Variants in NOS1 observed in about 807,000 individuals in gnomAD.
NOS1 encodes the protein NOS type I.
In NOS1, 51 loss-of-function variants were observed where a neutral mutation model predicts 164.5. The ratio of observed to expected loss-of-function variants is 0.31; its 90% CI spans 0.25 to 0.39. The LOEUF is 0.39. Ranked by LOEUF, NOS1 falls within the 10% of genes least tolerant of loss-of-function variation. The pLI is 1.00. For synonymous variants in NOS1, 719 were observed against 745.8 expected (o/e 0.96, Z 0.59); for missense variants, 1,362 against 1,885.6 (o/e 0.72, Z 5.14).
intron 12 of NOS1, 40 bp downstream of exon 12, chr12:117,265,276 A>G (rs745623886): frequency 6.7e-7 from 1 of 1,487,658 alleles, no homozygotes; most frequent in African/African-American, 1.4e-5. Context: ...CACCAGATAC[A>G]GGACACTTAA....
chr12:117,310,160 G>A (rs1192369337), intron 3 of NOS1, among the ~76,000 whole-genome samples: 3 of 152,052 alleles, frequency 2.0e-5, no homozygotes, highest in African/African-American at 7.2e-5. Context: ...CTCCTGCCTC[G>A]GCCTTCCAAA....
rs1269725088 is a variant in NOS1, at chr12:117,213,621, G to A, written c.*1688C>T. 1.0e-6 allele frequency: 1 copy of A among 985,470 alleles called. No homozygotes were observed. The highest frequency in any genetic ancestry group is 1.2e-6 in the Non-Finnish European group (1 of 829,962). The allele number at this position is 985,470 out of a possible 1,614,324, so 61.0% of individuals were successfully genotyped here. A position where few individuals can be genotyped will look rare whatever the true frequency, so the allele number is the denominator to read the frequency against. On this transcript the variant is annotated 3_prime_UTR_variant, in exon 29 of 29. Coordinates refer to ENST00000317775, the MANE Select transcript of NOS1 (RefSeq NM_000620.5). ...TGTAAAGCCCTTTCAAAGAGGGCCAGTGCACTTCCTCTTTAGCAGACACCC... is the reference window on the plus strand; with the variant it reads ...TGTAAAGCCCTTTCAAAGAGGGCCAATGCACTTCCTCTTTAGCAGACACCC...
At chr12:117,349,698 C>A (rs1876528946) in intron 1 of NOS1, among the ~76,000 whole-genome samples, 1 of 152,148 alleles carries the variant, frequency 6.6e-6, no homozygotes, top group South Asian at 2.1e-4. Flanking sequence ...TAGTCTGTAG[C>A]AAGTACATGA....
At chr12:117,226,808 C>T (rs1241679424) in intron 23 of NOS1, 38 bp from the exon 24 acceptor site, 1 of 1,540,152 alleles carries the variant, frequency 6.5e-7, no homozygotes, top group Admixed American at 1.7e-5. Context: ...CCACCCACTG[C>T]TCCCGAGCAC....
At chr12:117,226,183 C>T (rs1221932039) in intron 24 of NOS1, among the ~76,000 whole-genome samples, 2 of 152,200 alleles carry the variant, frequency 1.3e-5, no homozygotes, top group African/African-American at 4.8e-5. Flanking sequence ...GCCAAAGTCA[C>T]TGTTCAGGTA....
Position 117,211,354 on chromosome 12 carries a change from T to A in NOS1, c.*3955A>T, listed in dbSNP as rs1274790935. 2 of 985,288 alleles carry A rather than the reference T, an allele frequency of 2.0e-6. No homozygotes were observed. Among genetic ancestry groups the A allele is most frequent in the African/African-American group, 1.7e-5 (1 of 57,202 alleles). 61.0% of individuals were successfully genotyped at this position (985,288 alleles called of 1,614,324 possible). A position where few individuals can be genotyped will look rare whatever the true frequency, so the allele number is the denominator to read the frequency against. On this transcript the variant is annotated 3_prime_UTR_variant, in exon 29 of 29. Coordinates refer to ENST00000317775, the MANE Select transcript of NOS1 (RefSeq NM_000620.5). ...TTCCTGGAGTCTCTTTATCACTACA[T>A]CCGCCTCTTCCCTCACTCAAGCCTT...
intron 7 of NOS1, among the ~76,000 whole-genome samples, chr12:117,283,553 C>T (rs1873859114): frequency 6.6e-6 from 1 of 152,212 alleles, no homozygotes; most frequent in African/African-American, 2.4e-5. Context: ...GCTCAGAGCC[C>T]CATTTGAAAA....
intron 18 of NOS1, among the ~76,000 whole-genome samples, chr12:117,245,291 C>T (rs1399250503): frequency 1.3e-5 from 2 of 152,142 alleles, no homozygotes; most frequent in African/African-American, 4.8e-5. Context: ...TACCACCTCC[C>T]ACCCCAGAAT....
At chr12:117,276,413 G>C (rs1873183833) in intron 9 of NOS1, among the ~76,000 whole-genome samples, 2 of 152,186 alleles carry the variant, frequency 1.3e-5, no homozygotes, top group Admixed American at 1.3e-4. Flanking sequence ...ATCCCAAGTA[G>C]CTGGGATTAC....
chr12:117,228,158 A>T (rs1868869507), intron 22 of NOS1, among the ~76,000 whole-genome samples: 1 of 152,178 alleles, frequency 6.6e-6, no homozygotes, highest in Non-Finnish European at 1.5e-5. Context: ...AATAATAGTT[A>T]ACACTTGAAT....
chr12:117,302,550 G>A (rs575187478), intron 3 of NOS1, among the ~76,000 whole-genome samples: 2 of 147,968 alleles, frequency 1.4e-5, no homozygotes, highest in Non-Finnish European at 3.0e-5. Context: ...AGCCGAGATC[G>A]GGCCACTGCA....
intron 1 of NOS1, among the ~76,000 whole-genome samples, chr12:117,339,416 C>T (rs1875992025): frequency 6.6e-6 from 1 of 152,190 alleles, no homozygotes; most frequent in Non-Finnish European, 1.5e-5. Flanking sequence ...TGGGAAATCC[C>T]ACTCTCTTAC....
In NOS1 at chr12:117,248,303, G is replaced by A. The variant is rs560070137; in HGVS notation, c.2649-781C>T. Among the ~76,000 whole-genome samples, 11 of 151,340 alleles carry A rather than the reference G, an allele frequency of 7.3e-5. No homozygotes were observed. In the South Asian group the frequency reaches 1.7e-3, roughly 23 times the overall value. On this transcript the variant is annotated intron_variant, in intron 17 of 28. Coordinates refer to ENST00000317775, the MANE Select transcript of NOS1 (RefSeq NM_000620.5). ...GCTGGTGTGCTGCACCCACTAACTC[G>A]TCATCTAGCATTAGGTATATCTCCC...
At chr12:117,304,851 AG>A (rs1437893104) in intron 3 of NOS1, 1 of 213,596 alleles carries the variant, frequency 4.7e-6, no homozygotes, top group African/African-American at 2.3e-5. Context: ...AGAGCATCGA[AG>A]AGGGTGGGGA....
chr12:117,333,106 G>T lies in NOS1; in HGVS notation c.-420-1617C>A, dbSNP rs557347790. Among the ~76,000 whole-genome samples the T allele has an allele frequency of 2.1e-4, 32 of 152,306 alleles. 1 individual carries two copies. Among genetic ancestry groups the T allele is most frequent in the South Asian group, 1.2e-3 (6 of 4,830 alleles). Reference sequence around the variant, plus strand: ...ATGCACAGTGTGGCACATCTGGGATGGGGCAGGTGATCTGTGGGTGTGGGT... The same window carrying T: ...ATGCACAGTGTGGCACATCTGGGATTGGGCAGGTGATCTGTGGGTGTGGGT... On this transcript the variant is annotated intron_variant, in intron 1 of 28. Transcript: ENST00000317775.
rs1249060931 is a variant in NOS1 at position 117,227,371 on chromosome 12, C to A, written c.3616+60G>T. 14 of 1,551,546 alleles carry A rather than the reference C, an allele frequency of 9.0e-6. No individual in the cohort carries two copies. The East Asian group carries it at 3.0e-4, about 33-fold the overall frequency. ...CCTGCAGACGGTGGTTTAGGGAACC[C>A]TCCAGAGGCCCCTTGGGGGAAAATG... On this transcript the variant is annotated intron_variant, in intron 23 of 28. Transcript: ENST00000317775.
At chr12:117,360,339 C>G (rs577703925) in intron 1 of NOS1, among the ~76,000 whole-genome samples, 2 of 152,264 alleles carry the variant, frequency 1.3e-5, no homozygotes, top group South Asian at 4.1e-4. Flanking sequence ...ACGCAAGGCC[C>G]CTGAGTGGCC....
intron 17 of NOS1, among the ~76,000 whole-genome samples, chr12:117,252,919 T>A (rs1856693973): frequency 6.6e-6 from 1 of 152,206 alleles, no homozygotes; most frequent in African/African-American, 2.4e-5. Flanking sequence ...CTTGTCTTGA[T>A]CAATATCCAC....
chr12:117,314,350 T>G (rs375049748), intron 2 of NOS1, among the ~76,000 whole-genome samples: 6 of 152,340 alleles, frequency 3.9e-5, no homozygotes, highest in African/African-American at 1.4e-4. Flanking sequence ...GCTCTGAAAC[T>G]ACTGATCCTA....
Sources: gnomAD v4.1 joint callset for allele counts (sites outside exome capture counted in the v4.1 genomes callset) on GRCh38, gnomAD v4.1.1 for gene constraint, MANE v1.5 for transcripts, NCBI Gene and HGNC (gene_info 2026-07-23, HGNC 2026-07-21) for gene names.